Variants in PCDHA5 observed in about 807,000 individuals in gnomAD.
PCDHA5 encodes the protein protocadherin alpha 5, also known as protocadherin alpha-5.
In PCDHA5, 43 loss-of-function variants were observed where a neutral mutation model predicts 61.6. The observed-to-expected ratio is 0.70, with a 90% CI of 0.55 to 0.90. The LOEUF (loss-of-function observed/expected upper bound fraction) is 0.90, where lower values mean the gene tolerates loss of function less well. Ranked by LOEUF, PCDHA5 falls within the 40% of genes least tolerant of loss-of-function variation. The pLI is 0.00. For missense variants in PCDHA5, 1,298 were observed against 1,222.7 expected (o/e 1.06, Z -0.92); for synonymous variants, 627 against 543.9 (o/e 1.15, Z -2.13).
rs2082774108 is a variant in PCDHA5 at position 140,868,572 on chromosome 5, C to T, written c.2352+44445C>T. 4 of 152,854 alleles carry T rather than the reference C, an allele frequency of 2.6e-5. No individual in the cohort carries two copies. In the South Asian group the frequency reaches 6.2e-4, roughly 24 times the overall value. 9.5% of individuals were successfully genotyped at this position (152,854 alleles called of 1,614,324 possible). ...TAGTATTTTTATATGAGGAACAACA[C>T]TTTCAGGAAATGTTTAACCCTAGTT... On this transcript the variant is annotated intron_variant, in intron 1 of 3. Coordinates refer to ENST00000529859, the MANE Select transcript of PCDHA5 (RefSeq NM_018908.3).
intron 1 of PCDHA5, among the ~76,000 whole-genome samples, chr5:140,900,556 C>T (rs757442954): frequency 4.6e-5 from 7 of 152,168 alleles, no homozygotes; most frequent in Non-Finnish European, 5.9e-5. Flanking sequence ...GGATTACAGG[C>T]GTGAGCCACG....
chr5:140,863,257 C>G (rs1158491669), intron 1 of PCDHA5: 1 of 1,442,346 alleles, frequency 6.9e-7, no homozygotes, highest in Non-Finnish European at 9.4e-7. Context: ...CGTCGAGGTC[C>G]GGGAGGCAGC....
At chr5:140,871,125 G>A (rs1387416665) in intron 1 of PCDHA5, 1 of 1,613,330 alleles carries the variant, frequency 6.2e-7, no homozygotes. Context: ...GCGGACAGGC[G>A]CCAAAGGCCT....
At chr5:140,842,485 C>G (rs2150337249) in intron 1 of PCDHA5, 1 of 1,613,908 alleles carries the variant, frequency 6.2e-7, no homozygotes, top group Non-Finnish European at 8.5e-7. Flanking sequence ...TGACCTGCTC[C>G]CTGATGCCCC....
intron 1 of PCDHA5, chr5:140,843,938 G>C: frequency 1.7e-6 from 1 of 572,224 alleles, no homozygotes; most frequent in East Asian, 2.9e-5. Flanking sequence ...GTTATGGTTG[G>C]ATGATATCCA....
chr5:140,883,925 G>T (rs1554180613), intron 1 of PCDHA5: 2 of 1,613,466 alleles, frequency 1.2e-6, no homozygotes, highest in Non-Finnish European at 1.7e-6. Context: ...GACGCTGCAG[G>T]TGTTCGTGCT....
chr5:140,926,954 A>T, intron 1 of PCDHA5: 1 of 1,597,602 alleles, frequency 6.3e-7, no homozygotes, highest in Non-Finnish European at 8.6e-7. Flanking sequence ...GCAGCGGGAC[A>T]GCTCGAGTAC....
chr5:140,856,923 T>A (rs1178891192), intron 1 of PCDHA5: 1 of 1,595,300 alleles, frequency 6.3e-7, no homozygotes, highest in Non-Finnish European at 8.6e-7. Flanking sequence ...AGAAGGAAAT[T>A]TTGGATAAAC....
At chr5:140,874,041 G>C (rs1385679236) in intron 1 of PCDHA5, among the ~76,000 whole-genome samples, 1 of 152,212 alleles carries the variant, frequency 6.6e-6, no homozygotes, top group African/African-American at 2.4e-5. Flanking sequence ...GAAACTTGGT[G>C]ATGATATTAG....
chr5:141,011,325 A>G lies in PCDHA5; in HGVS notation c.*1388A>G, dbSNP rs533115888. 1 of 153,778 alleles carries G rather than the reference A, an allele frequency of 6.5e-6. No individual in the cohort carries two copies. Among genetic ancestry groups the G allele is most frequent in the African/African-American group, 2.4e-5 (1 of 41,456 alleles). 9.5% of individuals were successfully genotyped at this position (153,778 alleles called of 1,614,324 possible). On this transcript the variant is annotated 3_prime_UTR_variant, in exon 4 of 4. Transcript: ENST00000529859. ...TGAATTGCTAATCTTACTAACACCTATGATGTTACCTGAAATCAATCTCCC... is the reference window on the plus strand; with the variant it reads ...TGAATTGCTAATCTTACTAACACCTGTGATGTTACCTGAAATCAATCTCCC...
intron 1 of PCDHA5, among the ~76,000 whole-genome samples, chr5:140,977,672 A>G (rs1404527905): frequency 6.6e-6 from 1 of 152,202 alleles, no homozygotes; most frequent in East Asian, 1.9e-4. Flanking sequence ...TGCATGCCAA[A>G]TATCATGTAG....
chr5:140,990,332 T>C (rs1458187543), intron 3 of PCDHA5, among the ~76,000 whole-genome samples: 1 of 152,100 alleles, frequency 6.6e-6, no homozygotes, highest in Non-Finnish European at 1.5e-5. Flanking sequence ...ACTTTAAAAA[T>C]AAGTAAAGCC....
Position 140,853,937 on chromosome 5 carries a change from G to T in PCDHA5, c.2352+29810G>T, listed in dbSNP as rs367556947. The T allele has an allele frequency of 1.7e-4, 142 of 835,446 alleles. 8 individuals carry two copies. The highest frequency in any genetic ancestry group is 1.9e-4 in the Non-Finnish European group (128 of 679,266). 51.8% of individuals were successfully genotyped at this position (835,446 alleles called of 1,614,324 possible). A position where few individuals can be genotyped will look rare whatever the true frequency, so the allele number is the denominator to read the frequency against. On this transcript the variant is annotated intron_variant, in intron 1 of 3. Coordinates refer to ENST00000529859, the MANE Select transcript of PCDHA5 (RefSeq NM_018908.3). ...CAATCCCAACATTTTGGGAGGCCAA[G>T]GTGGGAGGGTCCCTTCCTTGAGCCC...
chr5:140,824,312 C>A, intron 1 of PCDHA5, 185 bp downstream of exon 1: 2 of 756,370 alleles, frequency 2.6e-6, no homozygotes, highest in South Asian at 1.8e-5. Flanking sequence ...GTAATAGATT[C>A]ATCAGCTTTC....
chr5:140,927,933 C>G (rs1273187123), intron 1 of PCDHA5: 2 of 1,614,208 alleles, frequency 1.2e-6, no homozygotes, highest in East Asian at 4.5e-5. Context: ...CTCTTTCGAA[C>G]CCAGTACCTG....
chr5:140,874,216 C>A (rs1482061600), intron 1 of PCDHA5, among the ~76,000 whole-genome samples: 1 of 152,146 alleles, frequency 6.6e-6, no homozygotes, highest in African/African-American at 2.4e-5. Flanking sequence ...TTATTATATG[C>A]AGTAGGAATG....
intron 1 of PCDHA5, among the ~76,000 whole-genome samples, chr5:140,951,776 T>C (rs1301757181): frequency 2.6e-5 from 4 of 152,140 alleles, no homozygotes; most frequent in East Asian, 1.9e-4. Context: ...CGTTCTTACA[T>C]TGCAAAATAC....
At chr5:140,857,399 G>C (rs375062704) in intron 1 of PCDHA5, 4 of 1,598,394 alleles carry the variant, frequency 2.5e-6, no homozygotes, top group Admixed American at 3.4e-5. Flanking sequence ...GAACGACAAC[G>C]CGCCTGCGTT....
intron 1 of PCDHA5, among the ~76,000 whole-genome samples, chr5:140,894,001 G>A (rs2064275871): frequency 6.6e-6 from 1 of 152,098 alleles, no homozygotes; most frequent in African/African-American, 2.4e-5. Context: ...CAATTGTATG[G>A]TTGGTTCAAA....
Sources: gnomAD v4.1 joint callset for allele counts (sites outside exome capture counted in the v4.1 genomes callset) on GRCh38, gnomAD v4.1.1 for gene constraint, MANE v1.5 for transcripts, NCBI Gene and HGNC (gene_info 2026-07-23, HGNC 2026-07-21) for gene names.